Variants in YES1 observed in about 807,000 individuals in gnomAD.
YES1 encodes the protein YES proto-oncogene 1, Src family tyrosine kinase.
A neutral mutation model predicts 70.4 loss-of-function variants in YES1; 39 were observed. The observed-to-expected ratio is 0.55, with a 90% confidence interval of 0.43 to 0.72. The LOEUF (loss-of-function observed/expected upper bound fraction) is 0.72. YES1 is among the 30% of genes least tolerant of loss of function. The probability of loss-of-function intolerance (pLI) is 0.00; values close to 1 mark genes in which losing one functional copy is unlikely to be tolerated. For missense variants in YES1, 495 were observed against 644.8 expected, an observed-to-expected ratio of 0.77 and a Z score of 2.52; for synonymous variants, 198 against 218.6, an observed-to-expected ratio of 0.91 and a Z score of 0.83.
chr18:756,282 T>TTG (rs1555686131), intron 2 of YES1, among the ~76,000 whole-genome samples: 1 of 149,294 alleles, frequency 6.7e-6, no homozygotes, highest in Non-Finnish European at 1.5e-5. Context: ...GTGCCTACAG[T>TTG]GGGGGGGGGC....
At chr18:808,684 A>C (rs980074674) in intron 1 of YES1, among the ~76,000 whole-genome samples, 6 of 152,202 alleles carry the variant, frequency 3.9e-5, no homozygotes, top group African/African-American at 1.2e-4. Flanking sequence ...GTGATATAAA[A>C]ATTTGGCACA....
chr18:748,283 T>C (rs2080303526), intron 3 of YES1, among the ~76,000 whole-genome samples: 1 of 152,148 alleles, frequency 6.6e-6, no homozygotes, highest in African/African-American at 2.4e-5. Context: ...TTTAACACAA[T>C]TCTTTCAACC....
At chr18:782,221 A>G (rs994660533) in intron 1 of YES1, among the ~76,000 whole-genome samples, 7 of 152,210 alleles carry the variant, frequency 4.6e-5, no homozygotes, top group Admixed American at 4.6e-4. Flanking sequence ...CTGTGGCACA[A>G]TGGCCTTTTC....
intron 6 of YES1, among the ~76,000 whole-genome samples, chr18:743,922 T>A (rs1372861567): frequency 1.3e-5 from 2 of 148,618 alleles, no homozygotes; most frequent in East Asian, 2.0e-4. Flanking sequence ...AAAAAAAATA[T>A]ATATATATAT....
chr18:782,974 G>A (rs180886012), intron 1 of YES1, among the ~76,000 whole-genome samples: 2 of 152,246 alleles, frequency 1.3e-5, no homozygotes, highest in East Asian at 1.9e-4. Flanking sequence ...GAGCCATCAC[G>A]CTCGGCTAAC....
At chr18:798,159 T>G (rs1175343410) in intron 1 of YES1, 1 of 152,318 alleles carries the variant, frequency 6.6e-6, no homozygotes, top group South Asian at 2.1e-4. Flanking sequence ...TTTTTGTTTG[T>G]TCTAGTTTTT....
chr18:808,595 T>C (rs536322169), intron 1 of YES1, among the ~76,000 whole-genome samples: 1 of 152,322 alleles, frequency 6.6e-6, no homozygotes, highest in African/African-American at 2.4e-5. Flanking sequence ...TGGAAGATCT[T>C]ACTAAAACTT....
chr18:765,247 AC>A (rs1643664915), intron 1 of YES1, among the ~76,000 whole-genome samples: 1 of 62,364 alleles, frequency 1.6e-5, no homozygotes, highest in African/African-American at 5.6e-5. Context: ...AAGAGTTACA[AC>A]TATATATATA....
chr18:730,078 T>C (rs2080070456), intron 11 of YES1, among the ~76,000 whole-genome samples: 1 of 152,230 alleles, frequency 6.6e-6, no homozygotes, highest in African/African-American at 2.4e-5. Context: ...CCATTTGGAA[T>C]TTACCAGCAG....
At chr18:761,285 C>T (rs1171633446) in intron 1 of YES1, among the ~76,000 whole-genome samples, 5 of 150,572 alleles carry the variant, frequency 3.3e-5, no homozygotes, top group Non-Finnish European at 7.4e-5. Flanking sequence ...TCTTAAAAGT[C>T]GGTACAAGGA....
chr18:752,950 TAAATA>T (rs532316250), intron 2 of YES1, among the ~76,000 whole-genome samples: 186 of 152,026 alleles, frequency 1.2e-3, no homozygotes, highest in African/African-American at 4.3e-3. Context: ...ATCAAAAAAA[TAAATA>T]AAATAAAATG....
Position 756,652 on chromosome 18 carries a change from A to G in YES1, c.176T>C (p.Met59Thr). 1 of 1,614,224 alleles carries G rather than the reference A, an allele frequency of 6.2e-7. No homozygotes were observed. Among genetic ancestry groups the G allele is most frequent in the Non-Finnish European group, 8.5e-7 (1 of 1,180,046 alleles). Residue 59 changes from methionine to threonine, a missense_variant, in exon 2 of 12, where the codon ATG becomes ACG. By Grantham distance (81) the Met-to-Thr change is moderately conservative. Coordinates refer to ENST00000314574, the MANE Select transcript of YES1 (RefSeq NM_005433.4). ...CCCTGAGGATCCTCCAAATGGTGTC[A>G]TGGAAAGACTGCTGAAATTAACTGC... ...GTAVNFSSLS[M>T]TPFGGSSGVT...
intron 1 of YES1, among the ~76,000 whole-genome samples, chr18:804,696 T>C (rs932592322): frequency 1.0e-4 from 15 of 148,780 alleles, no homozygotes; most frequent in African/African-American, 3.7e-4. Flanking sequence ...GCGGATCACC[T>C]GAGATAGGGA....
At chr18:756,522 C>G in intron 2 of YES1, 35 bp downstream of exon 2, 1 of 1,610,918 alleles carries the variant, frequency 6.2e-7, no homozygotes, top group Non-Finnish European at 8.5e-7. Flanking sequence ...GTGATGTTCT[C>G]AAACAGACAA....
chr18:747,039 C>T (rs1257127529), intron 4 of YES1, among the ~76,000 whole-genome samples: 1 of 152,144 alleles, frequency 6.6e-6, no homozygotes, highest in African/African-American at 2.4e-5. Context: ...AACTACAATG[C>T]AAGTGCTTAA....
At chr18:739,545 C>CA in intron 9 of YES1, 190 bp downstream of exon 9, 1 of 418,342 alleles carries the variant, frequency 2.4e-6, no homozygotes, top group Non-Finnish European at 4.2e-6. Flanking sequence ...CAAGGCTCTT[C>CA]AAGCACGGAG....
intron 4 of YES1, 29 bp downstream of exon 4, chr18:747,891 A>G: frequency 6.3e-7 from 1 of 1,598,098 alleles, no homozygotes; most frequent in South Asian, 1.1e-5. Flanking sequence ...AAATCAAAAT[A>G]ATTAATAAAA....
chr18:748,052 A>AGACTATT (rs2080300978), intron 3 of YES1, 34 bp from the exon 4 acceptor site: 1 of 1,581,618 alleles, frequency 6.3e-7, no homozygotes, highest in Non-Finnish European at 8.7e-7. Context: ...ACCGCAAGGT[A>AGACTATT]GACTATTGCC....
chr18:741,685 C>T (rs774457450), intron 8 of YES1, among the ~76,000 whole-genome samples: 64 of 152,042 alleles, frequency 4.2e-4, no homozygotes, highest in Non-Finnish European at 8.7e-4. Context: ...CACCTGTAAT[C>T]CCAGCTACTC....
Sources: gnomAD v4.1 joint callset for allele counts (sites outside exome capture counted in the v4.1 genomes callset) on GRCh38, gnomAD v4.1.1 for gene constraint, MANE v1.5 for transcripts, NCBI Gene and HGNC (gene_info 2026-07-23, HGNC 2026-07-21) for gene names.